RBFOX1: variants seen among roughly 807,000 people sequenced by gnomAD.
RBFOX1 encodes the protein RNA binding protein fox-1 homolog 1.
RBFOX1 carries 8 observed loss-of-function variants against 57.7 expected under a neutral mutation model. The ratio of observed to expected loss-of-function variants is 0.14; its 90% CI spans 0.08 to 0.25. The LOEUF is 0.25. RBFOX1 is among the 10% of genes least tolerant of loss of function. The pLI is 1.00. For synonymous variants in RBFOX1, 326 were observed against 222.4 expected, an observed-to-expected ratio of 1.47 and a Z score of -4.15; for missense variants, 611 against 548.5, an observed-to-expected ratio of 1.11 and a Z score of -1.14.
At chr16:6,298,746 G>T (rs933977326) in intron 1 of RBFOX1, among the ~76,000 whole-genome samples, 1 of 152,168 alleles carries the variant, frequency 6.6e-6, no homozygotes, top group Non-Finnish European at 1.5e-5. Context: ...GTTTTCCAAA[G>T]GTTAGCTTTT....
chr16:7,000,586 C>CTTTTTTTTTTT (rs149516490), intron 3 of RBFOX1, among the ~76,000 whole-genome samples: 11 of 95,828 alleles, frequency 1.1e-4, no homozygotes, highest in African/African-American at 3.4e-4. Flanking sequence ...TTTTTTCTTT[C>CTTTTTTTTTTT]TTTTTCTTTC....
intron 5 of RBFOX1, among the ~76,000 whole-genome samples, chr16:7,563,181 C>G (rs183759122): frequency 3.3e-4 from 51 of 152,248 alleles, no homozygotes; most frequent in African/African-American, 1.2e-3. Flanking sequence ...ATCACTCAAC[C>G]AGGATTTATT....
chr16:6,029,225 A>C (rs2095251718), intron 1 of RBFOX1, among the ~76,000 whole-genome samples: 1 of 152,202 alleles, frequency 6.6e-6, no homozygotes, highest in Non-Finnish European at 1.5e-5. Context: ...CATTTTGCTC[A>C]GGAAACTTTA....
chr16:5,690,742 C>T (rs556164708), intron 3 of RBFOX1, among the ~76,000 whole-genome samples: 2 of 152,188 alleles, frequency 1.3e-5, no homozygotes, highest in South Asian at 2.1e-4. Context: ...GTGAGGGGCG[C>T]GTATGTCTTT....
intron 1 of RBFOX1, among the ~76,000 whole-genome samples, chr16:5,261,549 G>GTT (rs4047465): frequency 0.011 from 1,274 of 120,454 alleles, 36 homozygotes; most frequent in African/African-American, 0.023. Flanking sequence ...TGTGTGTATG[G>GTT]TTTTTTTTTT....
Position 5,769,216 on chromosome 16 carries a change from C to T in RBFOX1, c.319-98087C>T, listed in dbSNP as rs147784885. ...AAATTATGTCCCCTCAAAATTCATACGGTGAAGTCCTAACCCCAGCTACCT... is the reference window on the plus strand; with the variant it reads ...AAATTATGTCCCCTCAAAATTCATATGGTGAAGTCCTAACCCCAGCTACCT... On this transcript the variant is annotated intron_variant, in intron 3 of 19. Transcript: ENST00000641259. Among the ~76,000 whole-genome samples the T allele has an allele frequency of 4.4e-3, 675 of 152,206 alleles. 7 individuals are homozygous for T. Among genetic ancestry groups the T allele is most frequent in the African/African-American group, 0.015 (631 of 41,502 alleles).
intron 1 of RBFOX1, among the ~76,000 whole-genome samples, chr16:6,119,767 T>C (rs1406343916): frequency 6.6e-6 from 1 of 152,186 alleles, no homozygotes; most frequent in African/African-American, 2.4e-5. Flanking sequence ...CCTGAAACAC[T>C]AGGAGTAGAG....
intron 4 of RBFOX1, among the ~76,000 whole-genome samples, chr16:7,364,321 G>A (rs886714647): frequency 4.6e-5 from 7 of 152,198 alleles, no homozygotes; most frequent in African/African-American, 1.7e-4. Flanking sequence ...TGGAGAAAGG[G>A]CCCTGGAATT....
chr16:6,180,507 TC>T (rs1464056772), intron 1 of RBFOX1, among the ~76,000 whole-genome samples: 1 of 151,806 alleles, frequency 6.6e-6, no homozygotes, highest in African/African-American at 2.4e-5. Context: ...ATTTGAGTTT[TC>T]TTTTTTTTTT....
intron 3 of RBFOX1, among the ~76,000 whole-genome samples, chr16:6,958,117 A>C (rs1478502693): frequency 6.6e-6 from 1 of 152,206 alleles, no homozygotes; most frequent in East Asian, 1.9e-4. Context: ...GAAATGGGTG[A>C]CCGGATTTTG....
At chr16:6,646,516 G>A (rs2098536295) in intron 2 of RBFOX1, among the ~76,000 whole-genome samples, 1 of 152,054 alleles carries the variant, frequency 6.6e-6, no homozygotes, top group African/African-American at 2.4e-5. Flanking sequence ...TCTGCCTTTG[G>A]TTTATTGATT....
intron 2 of RBFOX1, among the ~76,000 whole-genome samples, chr16:6,488,150 A>G (rs930394487): frequency 2.6e-5 from 4 of 152,196 alleles, no homozygotes; most frequent in African/African-American, 9.6e-5. Flanking sequence ...GTATATGAGG[A>G]AGGCCTCTGC....
At chr16:7,199,147 A>G (rs2087597792) in intron 4 of RBFOX1, among the ~76,000 whole-genome samples, 1 of 152,166 alleles carries the variant, frequency 6.6e-6, no homozygotes, top group Non-Finnish European at 1.5e-5. Flanking sequence ...ACTGTTGATG[A>G]GAAAATTGGA....
intron 2 of RBFOX1, among the ~76,000 whole-genome samples, chr16:5,544,277 C>A (rs1287523236): frequency 1.3e-5 from 2 of 152,140 alleles, no homozygotes; most frequent in Non-Finnish European, 2.9e-5. Flanking sequence ...ACAGAAGGAA[C>A]TCTGGGAAAT....
chr16:6,379,356 C>T (rs776734341), intron 2 of RBFOX1, among the ~76,000 whole-genome samples: 7 of 152,086 alleles, frequency 4.6e-5, no homozygotes, highest in Admixed American at 1.3e-4. Flanking sequence ...TCCCAGTTAG[C>T]CAGGATATTC....
rs540795049 is a variant in RBFOX1, at chr16:6,820,651, C to T, written c.-16+166001C>T. On this transcript the variant is annotated intron_variant, in intron 3 of 15. Transcript: ENST00000550418. ...TCCAGCCTGAGTGACAGAGCAAGACCCTGTCTCCAAAAAAAAAACAAGCAA... is the reference window on the plus strand; with the variant it reads ...TCCAGCCTGAGTGACAGAGCAAGACTCTGTCTCCAAAAAAAAAACAAGCAA... Among the ~76,000 whole-genome samples the T allele has an allele frequency of 2.4e-4, 35 of 147,414 alleles. 1 individual carries two copies. The highest frequency in any genetic ancestry group is 8.6e-4 in the African/African-American group (34 of 39,338).
chr16:5,404,335 C>T (rs1388761620), intron 1 of RBFOX1, among the ~76,000 whole-genome samples: 4 of 152,134 alleles, frequency 2.6e-5, no homozygotes, highest in African/African-American at 9.7e-5. Context: ...GAGCATTGAA[C>T]CTTATCGAAT....
At chr16:7,490,679 C>G (rs981733173) in intron 4 of RBFOX1, among the ~76,000 whole-genome samples, 1 of 152,326 alleles carries the variant, frequency 6.6e-6, no homozygotes, top group East Asian at 1.9e-4. Context: ...TGTGCTAGTT[C>G]ATAAGTCCAA....
intron 3 of RBFOX1, among the ~76,000 whole-genome samples, chr16:6,852,916 C>T (rs1165693967): frequency 6.6e-6 from 1 of 152,186 alleles, no homozygotes. Context: ...ATGCTGGGAA[C>T]TAGCTGTCCA....
Sources: gnomAD v4.1 joint callset for allele counts (sites outside exome capture counted in the v4.1 genomes callset) on GRCh38, gnomAD v4.1.1 for gene constraint, MANE v1.5 for transcripts, NCBI Gene and HGNC (gene_info 2026-07-23, HGNC 2026-07-21) for gene names.